The following HMCN1 variants were observed in gnomAD, a reference collection of about 807,000 sequenced individuals.
The protein encoded by HMCN1 is hemicentin 1.
Under a neutral mutation model 625.9 loss-of-function variants are expected in HMCN1, and 321 were observed. That is an observed-to-expected ratio of 0.51 (90% confidence interval 0.47 to 0.56). The LOEUF is 0.56. Among genes scored for constraint, HMCN1 ranks in the 20% least tolerant of loss-of-function variants. The pLI is 0.00. For synonymous variants in HMCN1, 2,425 were observed against 2,417.6 expected, an observed-to-expected ratio of 1.00 and a Z score of -0.09; for missense variants, 6,588 against 6,887.3, an observed-to-expected ratio of 0.96 and a Z score of 1.54.
Position 186,178,536 on chromosome 1 carries a change from C to T in HMCN1, c.16064C>T (p.Ala5355Val). ...TTATTAGGGGACGGGAAATCTTGCG[C>T]TGGATTGGAGAGGCTGCCAAATTAT... The part of the protein sequence containing the change: ...QHLLGDGKSC[A>V]GLERLPNYGT... The change falls in exon 104 of 107, where the codon GCT becomes GTT. Residue 5355 changes from alanine to valine, a missense_variant. Physicochemically the swap from Ala to Val is moderately conservative, Grantham distance 64. This residue lies in a region of HMCN1 where 1,954 missense variants were observed against 2,013.1 expected (regional missense o/e 0.97). Transcript: ENST00000271588. 1 of 1,614,082 alleles carries T rather than the reference C, an allele frequency of 6.2e-7. No homozygotes were observed.
At chr1:185,813,439 A>C (rs1030870997) in intron 1 of HMCN1, among the ~76,000 whole-genome samples, 4 of 152,162 alleles carry the variant, frequency 2.6e-5, no homozygotes, top group Admixed American at 6.5e-5. Context: ...GAAAATTTTA[A>C]GCAAAATCAT....
At chr1:186,136,191 G>A (rs1301446180) in intron 86 of HMCN1, among the ~76,000 whole-genome samples, 3 of 151,792 alleles carry the variant, frequency 2.0e-5, no homozygotes, top group East Asian at 3.9e-4. Flanking sequence ...AAAAGAATGA[G>A]TTAATGACTC....
intron 4 of HMCN1, among the ~76,000 whole-genome samples, chr1:185,906,074 GA>G (rs1423765887): frequency 2.0e-5 from 3 of 151,604 alleles, no homozygotes; most frequent in African/African-American, 7.3e-5. Context: ...CTTTATAATA[GA>G]AGATCATTTC....
At chr1:186,130,396 AG>A (rs1661867751) in intron 84 of HMCN1, 110 bp from the exon 85 acceptor site, 1 of 1,098,694 alleles carries the variant, frequency 9.1e-7, no homozygotes. Context: ...TGAGTCTTTA[AG>A]GTGGCTTTAC....
chr1:185,912,139 T>C (rs73062143), intron 6 of HMCN1, among the ~76,000 whole-genome samples: 11,735 of 152,182 alleles, frequency 0.077, 1,552 homozygotes, highest in African/African-American at 0.27. Context: ...ACTGCCTGGG[T>C]TTGAATCTTA....
intron 6 of HMCN1, among the ~76,000 whole-genome samples, chr1:185,918,601 C>T (rs931006619): frequency 6.6e-6 from 1 of 152,094 alleles, no homozygotes; most frequent in Admixed American, 6.6e-5. Flanking sequence ...TTTAACGTAT[C>T]ACTAGTATAA....
intron 86 of HMCN1, among the ~76,000 whole-genome samples, chr1:186,135,112 C>T (rs183764956): frequency 6.6e-4 from 100 of 152,230 alleles, no homozygotes; most frequent in African/African-American, 2.2e-3. Flanking sequence ...CTCTTTTTCC[C>T]AATGAAGTCT....
chr1:185,912,406 CTTATCT>C (rs1558060134), intron 6 of HMCN1, among the ~76,000 whole-genome samples: 1 of 152,098 alleles, frequency 6.6e-6, no homozygotes, highest in Non-Finnish European at 1.5e-5. Flanking sequence ...ATATCCTAAA[CTTATCT>C]TAAGTGGTAT....
chr1:185,960,197 T>C (rs555817167), intron 11 of HMCN1, among the ~76,000 whole-genome samples: 1 of 150,866 alleles, frequency 6.6e-6, no homozygotes, highest in African/African-American at 2.4e-5. Context: ...GGTGTGATCT[T>C]GGCTCACTGC....
intron 83 of HMCN1, among the ~76,000 whole-genome samples, chr1:186,129,622 ATG>A (rs1455047717): frequency 1.3e-5 from 2 of 149,974 alleles, no homozygotes; most frequent in Non-Finnish European, 3.0e-5. Context: ...GAAATGGAAA[ATG>A]TAATATTTCT....
In HMCN1 at chr1:186,130,026, A is replaced by T. The variant is rs138409434; in HGVS notation, c.12965A>T (p.Asp4322Val). 7.0e-5 allele frequency: 113 copies of T among 1,613,276 alleles called. No homozygotes were observed. In the African/African-American group the frequency reaches 1.1e-3, roughly 16 times the overall value. ...GTTATTGAAAGAGTGTCAAAAGAGGATTCAGGTACTTATGTGTGCACCGCA... is the reference window on the plus strand; with the variant it reads ...GTTATTGAAAGAGTGTCAAAAGAGGTTTCAGGTACTTATGTGTGCACCGCA... The part of the protein sequence containing the change: ...ELVIERVSKE[D>V]SGTYVCTAEN... Residue 4322 changes from aspartate (D) to valine (V), a missense_variant, in exon 84 of 107, where the codon GAT becomes GTT. Coordinates refer to ENST00000271588, the MANE Select transcript of HMCN1 (RefSeq NM_031935.3).
At chr1:186,114,330 C>T (rs1661026430) in intron 73 of HMCN1, among the ~76,000 whole-genome samples, 1 of 152,114 alleles carries the variant, frequency 6.6e-6, no homozygotes, top group Admixed American at 6.5e-5. Flanking sequence ...GATCTTGGCT[C>T]ATTGCAACCT....
chr1:185,846,195 CT>C (rs1661803128), intron 2 of HMCN1, 99 bp downstream of exon 2: 1 of 914,548 alleles, frequency 1.1e-6, no homozygotes, highest in Non-Finnish European at 1.7e-6. Flanking sequence ...TAGTTGTTGG[CT>C]TTTTAAGGGA....
intron 97 of HMCN1, among the ~76,000 whole-genome samples, chr1:186,159,728 A>C (rs1374390767): frequency 1.3e-5 from 2 of 152,066 alleles, no homozygotes; most frequent in Admixed American, 6.5e-5. Context: ...ACATTTATTG[A>C]TTTGCGTATA....
chr1:186,182,080 T>C, intron 104 of HMCN1, 88 bp from the exon 105 acceptor site: 1 of 1,454,592 alleles, frequency 6.9e-7, no homozygotes, highest in Non-Finnish European at 9.6e-7. Flanking sequence ...TTTTCTAATG[T>C]ATATCAACAA....
chr1:186,102,474 A>T (rs1183671974), intron 68 of HMCN1, among the ~76,000 whole-genome samples: 2 of 152,132 alleles, frequency 1.3e-5, no homozygotes, highest in African/African-American at 4.8e-5. Flanking sequence ...ATACAGAAAC[A>T]CACAAAAAAG....
Position 186,182,148 on chromosome 1 carries a change from TC to T in HMCN1, c.16295-19del, listed in dbSNP as rs1255253077. The T allele has an allele frequency of 2.5e-6, 4 of 1,612,474 alleles. No individual in the cohort carries two copies. Among genetic ancestry groups the T allele is most frequent in the Non-Finnish European group, 3.4e-6 (4 of 1,178,836 alleles). ...CTTTTTTCTTGTGTAGTGATAACTC[TC>T]TGTCTTCTTCCTGAACAGATATTGA... On this transcript the variant is annotated intron_variant, in intron 104 of 106. Transcript: ENST00000271588.
intron 1 of HMCN1, among the ~76,000 whole-genome samples, chr1:185,827,710 A>G (rs1571411107): frequency 6.6e-6 from 1 of 152,282 alleles, no homozygotes; most frequent in East Asian, 1.9e-4. Context: ...ATTTAAAGAT[A>G]TAAATTAAGA....
At position 186,087,505 on chromosome 1, in the gene HMCN1, A is replaced by G. The variant is rs752694815; in HGVS notation, c.9223A>G (p.Thr3075Ala). Residue 3075 changes from threonine (T) to alanine (A), a missense_variant, in exon 60 of 107, where the codon ACT becomes GCT. Thr to Ala is a moderately conservative substitution (Grantham distance 58). Coordinates refer to ENST00000271588, the MANE Select transcript of HMCN1 (RefSeq NM_031935.3). ...SLSVVNVREGTSVSLECESNA... is the reference protein window; with the variant it reads ...SLSVVNVREGASVSLECESNA... ...TTCTGTAGTTAATGTAAGAGAGGGA[A>G]CTTCTGTGTCTTTGGAGTGTGAGTC... is the stretch of plus-strand genomic sequence containing the variant. The G allele has an allele frequency of 1.7e-5, 27 of 1,613,214 alleles. No individual in the cohort carries two copies. The highest frequency in any genetic ancestry group is 2.7e-5 in the African/African-American group (2 of 74,866).
Sources: gnomAD v4.1 joint callset for allele counts (sites outside exome capture counted in the v4.1 genomes callset) on GRCh38, gnomAD v4.1.1 for gene constraint, gnomAD v4.1.1 regional missense constraint, MANE v1.5 for transcripts, NCBI Gene and HGNC (gene_info 2026-07-23, HGNC 2026-07-21) for gene names.